Variants in RHBDF1 observed in about 807,000 individuals in gnomAD.
RHBDF1 encodes the protein rhomboid 5 homolog 1.
In RHBDF1, 80 loss-of-function variants were observed where a neutral mutation model predicts 98.6. That is an observed-to-expected ratio of 0.81 (90% CI 0.68 to 0.98). The LOEUF (loss-of-function observed/expected upper bound fraction) is 0.98, where lower values mean the gene tolerates loss of function less well. RHBDF1 is among the 50% of genes least tolerant of loss of function. The pLI is 0.00. For synonymous variants in RHBDF1, 512 were observed against 486.8 expected (o/e 1.05, Z -0.68); for missense variants, 1,116 against 1,198.3 (o/e 0.93, Z 1.01).
At chr16:66,094 G>A (rs557438849) in intron 1 of RHBDF1, among the ~76,000 whole-genome samples, 16 of 152,360 alleles carry the variant, frequency 1.1e-4, no homozygotes, top group South Asian at 4.1e-4. Context: ...ACCACACGGC[G>A]ATTCCAGTGG....
At position 64,731 on chromosome 16, in the gene RHBDF1, T is replaced by C. The variant is rs1049999250; in HGVS notation, c.216A>G (p.Gln72=). 1 of 1,613,512 alleles carries C rather than the reference T, an allele frequency of 6.2e-7. No individual in the cohort carries two copies. The highest frequency in any genetic ancestry group is 8.5e-7 in the Non-Finnish European group (1 of 1,179,750). The change falls in exon 3 of 18, where the codon CAA becomes CAG. Residue 72 remains glutamine (Q), a synonymous_variant. Transcript: ENST00000262316. Reference sequence around the variant, plus strand: ...TGGTCTGTGTGATGGACGTCTGGCGTTGCAGCACCGGCCGCCGGAGCTCAT... The same window carrying C: ...TGGTCTGTGTGATGGACGTCTGGCGCTGCAGCACCGGCCGCCGGAGCTCAT... The part of the protein sequence containing the change: ...PHHELRRPVL[Q]RQTSITQTIR...
At chr16:59,969 C>G (rs1290662820) in intron 13 of RHBDF1, 143 bp from the exon 14 acceptor site, 24 of 1,497,484 alleles carry the variant, frequency 1.6e-5, no homozygotes, top group Non-Finnish European at 2.0e-5. Context: ...GGCCACCACA[C>G]TGAGTCTCTA....
chr16:64,526 T>TG, intron 3 of RHBDF1, 173 bp downstream of exon 3: 1 of 1,542,790 alleles, frequency 6.5e-7, no homozygotes, highest in Non-Finnish European at 8.7e-7. Context: ...GGTAGTGGGG[T>TG]GAGAGCGGTC....
chr16:59,483 G>A lies in RHBDF1; in HGVS notation c.1829C>T (p.Thr610Ile). Residue 610 changes from threonine (T) to isoleucine (I), a missense_variant, in exon 15 of 18, where the codon ACC (threonine) becomes ATC (isoleucine). Thr to Ile is a moderately conservative substitution (Grantham distance 89). Transcript: ENST00000262316. Reference sequence around the variant, plus strand: ...CATGAAGTCACAGTACTCCCGGGAGGTGATCTCACACCTAGAAAGGCAGGC... The same window carrying A: ...CATGAAGTCACAGTACTCCCGGGAGATGATCTCACACCTAGAAAGGCAGGC... ...CIGTKGRCEITSREYCDFMRG... is the reference protein window; with the variant it reads ...CIGTKGRCEIISREYCDFMRG... The A allele has an allele frequency of 1.2e-6, 2 of 1,613,420 alleles. No homozygotes were observed. The highest frequency in any genetic ancestry group is 1.1e-5 in the South Asian group (1 of 91,082).
chr16:60,390 G>C lies in RHBDF1; in HGVS notation c.1658+49C>G, dbSNP rs376990561. ...CTACACCCTCTGCACCACAGCCCCCGGGGAAGGTGTGGACAAAGGCAGGTG... is the reference window on the plus strand; with the variant it reads ...CTACACCCTCTGCACCACAGCCCCCCGGGAAGGTGTGGACAAAGGCAGGTG... On this transcript the variant is annotated intron_variant, in intron 12 of 17. Coordinates refer to ENST00000262316, the MANE Select transcript of RHBDF1 (RefSeq NM_022450.5). 3 of 1,596,594 alleles carry C rather than the reference G, an allele frequency of 1.9e-6. No homozygotes were observed. The Admixed American group carries it at 5.0e-5, about 27-fold the overall frequency.
At chr16:72,703 G>C, upstream of RHBDF1, 1 of 983,706 alleles carries the variant, frequency 1.0e-6, no homozygotes, top group Non-Finnish European at 1.2e-6. Context: ...TCAGAGCTCA[G>C]GAATGCGCGC....
rs1897452909 is a variant in RHBDF1 at position 58,095 on chromosome 16, T to A, written c.*245A>T. 6.5e-6 allele frequency: 3 copies of A among 464,078 alleles called. No individual in the cohort carries two copies. Among genetic ancestry groups the A allele is most frequent in the Non-Finnish European group, 1.1e-5 (3 of 261,118 alleles). The allele number at this position is 464,078 out of a possible 1,614,324, so 28.7% of individuals were successfully genotyped here. A position where few individuals can be genotyped will look rare whatever the true frequency, so the allele number is the denominator to read the frequency against. The stretch of plus-strand genomic sequence containing the variant: ...GCAGCTAAAACGCTCCCAGTCCATT[T>A]ATTGGCCACATGAGGTGGTCGTCAA... On this transcript the variant is annotated 3_prime_UTR_variant, in exon 18 of 18. Coordinates refer to ENST00000262316, the MANE Select transcript of RHBDF1 (RefSeq NM_022450.5).
At chr16:62,427 C>T in intron 7 of RHBDF1, 111 bp downstream of exon 7, 6 of 1,417,814 alleles carry the variant, frequency 4.2e-6, no homozygotes, top group Non-Finnish European at 5.8e-6. Context: ...TTCCCAGTCC[C>T]TGAGGCTACC....
chr16:64,790 G>C lies in RHBDF1; in HGVS notation c.157C>G (p.Pro53Ala). 6.2e-7 allele frequency: 1 copy of C among 1,614,080 alleles called. No homozygotes were observed. The highest frequency in any genetic ancestry group is 8.5e-7 in the Non-Finnish European group (1 of 1,180,016). ...RQAFLRSVSM[P>A]AETAHISSPH... ...GAAGAGATGTGGGCTGTCTCGGCTGGCATACTCACACTCCTCAGGAAAGCC... is the reference window on the plus strand; with the variant it reads ...GAAGAGATGTGGGCTGTCTCGGCTGCCATACTCACACTCCTCAGGAAAGCC... Residue 53 changes from proline to alanine, a missense_variant, in exon 3 of 18, where the codon CCA (proline) becomes GCA (alanine). Pro to Ala is a conservative substitution (Grantham distance 27). Transcript: ENST00000262316.
chr16:61,893 A>G lies in RHBDF1; in HGVS notation c.1113T>C (p.Tyr371=). ...TGAGCCGTCCCACCATGCCCAGCCCATACGGCCGCTTCTCCCGGGCGAAGA... is the reference window on the plus strand; with the variant it reads ...TGAGCCGTCCCACCATGCCCAGCCCGTACGGCCGCTTCTCCCGGGCGAAGA... ...RKLFAREKRP[Y]GLGMVGRLTN... The change falls in exon 8 of 18, where the codon TAT becomes TAC. Residue 371 remains tyrosine, a synonymous_variant. Coordinates refer to ENST00000262316, the MANE Select transcript of RHBDF1 (RefSeq NM_022450.5). 1 of 1,607,152 alleles carries G rather than the reference A, an allele frequency of 6.2e-7. No individual in the cohort carries two copies.
At position 61,002 on chromosome 16, in the gene RHBDF1, T is replaced by C. The variant is rs754812927; in HGVS notation, c.1557+118A>G. On this transcript the variant is annotated intron_variant, in intron 11 of 17. Transcript: ENST00000262316. ...AATGAATATGACAAGGCCTTGCGCG[T>C]AAGGACGGCGGGATGTGCCAGGAAC... 3.4e-6 allele frequency: 4 copies of C among 1,173,708 alleles called. No homozygotes were observed. In the East Asian group the frequency reaches 1.0e-4, roughly 31 times the overall value. The allele number at this position is 1,173,708 out of a possible 1,614,324, so 72.7% of individuals were successfully genotyped here.
chr16:64,196 G>A, intron 3 of RHBDF1: 1 of 1,246,318 alleles, frequency 8.0e-7, no homozygotes, highest in Non-Finnish European at 1.1e-6. Flanking sequence ...ACAGCACTTG[G>A]ACATGCAAAC....
At chr16:72,235 G>C (rs964443613) in intron 1 of RHBDF1, among the ~76,000 whole-genome samples, 3 of 152,184 alleles carry the variant, frequency 2.0e-5, no homozygotes, top group Non-Finnish European at 4.4e-5. Context: ...CGCTGGGGCT[G>C]CTAATCCGGC....
Position 59,006 on chromosome 16 carries a change from C to T in RHBDF1, c.2116G>A (p.Ala706Thr). Residue 706 changes from alanine to threonine, a missense_variant, in exon 17 of 18, where the codon GCC becomes ACC. By Grantham distance (58) the Ala-to-Thr change is moderately conservative (BLOSUM62 0). Coordinates refer to ENST00000262316, the MANE Select transcript of RHBDF1 (RefSeq NM_022450.5). Reference sequence around the variant, plus strand: ...CGGTATGGCAGGAAGATGGCACTGGCCAGGTTGCCGGTGACACCACTCAGC... The same window carrying T: ...CGGTATGGCAGGAAGATGGCACTGGTCAGGTTGCCGGTGACACCACTCAGC... Reference protein sequence around the residue: ...YLLSGVTGNLASAIFLPYRAE... With the variant: ...YLLSGVTGNLTSAIFLPYRAE... 6.2e-7 allele frequency: 1 copy of T among 1,613,152 alleles called. No homozygotes were observed. The highest frequency in any genetic ancestry group is 8.5e-7 in the Non-Finnish European group (1 of 1,180,000).
At chr16:59,867 C>A in intron 13 of RHBDF1, 41 bp from the exon 14 acceptor site, 1 of 1,613,496 alleles carries the variant, frequency 6.2e-7, no homozygotes, top group Non-Finnish European at 8.5e-7. Flanking sequence ...GGGCCTCCCC[C>A]AACCTTTGGC....
upstream of RHBDF1, among the ~76,000 whole-genome samples, chr16:74,463 C>A (rs1898048727): frequency 6.6e-6 from 1 of 152,154 alleles, no homozygotes; most frequent in Admixed American, 6.5e-5. Flanking sequence ...CCAGGAGCAC[C>A]AGTCACAGCT....
rs1232198441 is a variant in RHBDF1, at chr16:60,498, G to A, written c.1599C>T (p.Ser533=). The change falls in exon 12 of 18, where the codon AGC becomes AGT. Residue 533 remains serine (S), a synonymous_variant. Transcript: ENST00000262316. ...AVWVKWPIHP[S]APELAGHKRQ... is the part of the protein sequence containing the mutation. Reference sequence around the variant, plus strand: ...TCTTGTGGCCCGCAAGCTCTGGGGCGCTGGGATGGATGGGCCACTTCACCC... The same window carrying A: ...TCTTGTGGCCCGCAAGCTCTGGGGCACTGGGATGGATGGGCCACTTCACCC... The A allele has an allele frequency of 7.4e-6, 12 of 1,611,102 alleles. No individual in the cohort carries two copies. The highest frequency in any genetic ancestry group is 3.3e-5 in the Admixed American group (2 of 60,006).
chr16:68,876 G>A (rs1180626804), intron 1 of RHBDF1, among the ~76,000 whole-genome samples: 2 of 152,226 alleles, frequency 1.3e-5, no homozygotes, highest in Non-Finnish European at 2.9e-5. Context: ...TGCAGGGAGA[G>A]CCAGAAAGCA....
intron 1 of RHBDF1, among the ~76,000 whole-genome samples, chr16:68,743 C>T (rs961038146): frequency 2.0e-5 from 3 of 152,204 alleles, no homozygotes; most frequent in Non-Finnish European, 4.4e-5. Flanking sequence ...TGCTGACGTC[C>T]CCTCTGGCTG....
Sources: allele counts gnomAD v4.1 joint callset (sites outside exome capture counted in the v4.1 genomes callset), GRCh38; gene constraint gnomAD v4.1.1; transcripts MANE v1.5; gene names NCBI Gene and HGNC (gene_info 2026-07-23, HGNC 2026-07-21).